The following SIRT6 variants were observed in gnomAD, a reference collection of about 807,000 sequenced individuals.
The protein encoded by SIRT6 is sirtuin 6, also known as NAD-dependent protein deacylase sirtuin-6.
Under a neutral mutation model 33.6 loss-of-function variants are expected in SIRT6, and 21 were observed. That is an observed-to-expected ratio of 0.62 (90% CI 0.44 to 0.90). SIRT6 has a LOEUF of 0.90. Among genes scored for constraint, SIRT6 ranks in the 40% least tolerant of loss-of-function variants. SIRT6 has a pLI of 0.00. For missense variants in SIRT6, 504 were observed against 510.6 expected (o/e 0.99, Z 0.12); for synonymous variants, 221 against 223.9 (o/e 0.99, Z 0.12).
rs748302927 is a variant in SIRT6 at position 4,180,914 on chromosome 19, G to A, written c.67-5C>T. 3.7e-6 allele frequency: 6 copies of A among 1,607,988 alleles called. No individual in the cohort carries two copies. The highest frequency in any genetic ancestry group is 3.4e-5 in the Admixed American group (2 of 59,002). ...CTCCTCCGGGGGGTCGAAGATCTGT[G>A]GGGGGAGAGAGCAGACGGAGGGGTC... On this transcript the variant is annotated splice_region_variant and splice_polypyrimidine_tract_variant and intron_variant, in intron 1 of 7. Coordinates refer to ENST00000337491, the MANE Select transcript of SIRT6 (RefSeq NM_016539.4).
intron 1 of SIRT6, among the ~76,000 whole-genome samples, chr19:4,181,404 G>A (rs1967654734): frequency 6.6e-6 from 1 of 152,218 alleles, no homozygotes. Context: ...AGAAGGAGGG[G>A]TTTTTAATCT....
chr19:4,180,025 C>T (rs1361462249), intron 2 of SIRT6, among the ~76,000 whole-genome samples: 1 of 150,214 alleles, frequency 6.7e-6, no homozygotes, highest in African/African-American at 2.4e-5. Context: ...CAGAACTCTA[C>T]ACTGCCTGGC....
chr19:4,174,872 C>CATG lies in SIRT6; in HGVS notation c.812_813insCAT (p.Leu271_Glu272insMet). The CATG allele has an allele frequency of 6.2e-7, 1 of 1,601,600 alleles. No homozygotes were observed. Among genetic ancestry groups the CATG allele is most frequent in the Non-Finnish European group, 8.5e-7 (1 of 1,179,640 alleles). ...GGGGGCCGTCCCAGGCGGGGATCTC[C>CATG]AGCCCCAGGTGCTTCATGAGCCGGG... On this transcript the variant is annotated inframe_insertion, in exon 8 of 8. Transcript: ENST00000337491. The surrounding 1 kb of genome is among the most constrained non-coding windows in gnomAD (Gnocchi z 4.2).
chr19:4,176,467 C>T (rs1450749072), intron 4 of SIRT6, among the ~76,000 whole-genome samples: 3 of 152,122 alleles, frequency 2.0e-5, no homozygotes, highest in Non-Finnish European at 4.4e-5. Flanking sequence ...CGGGCGCCTG[C>T]AGTTGCAGCT....
intron 6 of SIRT6, 143 bp downstream of exon 6, chr19:4,175,537 C>T (rs951034574): frequency 3.9e-6 from 3 of 765,806 alleles, no homozygotes; most frequent in Non-Finnish European, 6.1e-6. Flanking sequence ...GTGTGTGCAG[C>T]CCCTGGCCTG....
chr19:4,181,336 A>T (rs1282914147), intron 1 of SIRT6, among the ~76,000 whole-genome samples: 1 of 152,202 alleles, frequency 6.6e-6, no homozygotes, highest in East Asian at 1.9e-4. Context: ...CTTCAGTGAC[A>T]GTGATGCCTC....
intron 2 of SIRT6, among the ~76,000 whole-genome samples, chr19:4,180,377 G>A (rs1967555005): frequency 6.6e-6 from 1 of 151,740 alleles, no homozygotes; most frequent in South Asian, 2.1e-4. Context: ...GTTGTGACAA[G>A]GGACACATCT....
rs11880257 is a variant in SIRT6 at position 4,175,163 on chromosome 19, G to T, written c.615-12C>A. Reference sequence around the variant, plus strand: ...ACAGGTCGGCGTTCCTGGGGCCGGGGAGCGTGGGCTGAGCCTGATGCCCTG... The same window carrying T: ...ACAGGTCGGCGTTCCTGGGGCCGGGTAGCGTGGGCTGAGCCTGATGCCCTG... On this transcript the variant is annotated splice_polypyrimidine_tract_variant and intron_variant, in intron 6 of 7. Coordinates refer to ENST00000337491, the MANE Select transcript of SIRT6 (RefSeq NM_016539.4). 2.5e-6 allele frequency: 4 copies of T among 1,595,932 alleles called. No individual in the cohort carries two copies. Among genetic ancestry groups the T allele is most frequent in the Non-Finnish European group, 3.4e-6 (4 of 1,174,576 alleles).
intron 4 of SIRT6, among the ~76,000 whole-genome samples, 176 bp from the exon 5 acceptor site, chr19:4,176,113 G>C (rs750154772): frequency 6.6e-6 from 1 of 152,166 alleles, no homozygotes; most frequent in African/African-American, 2.4e-5. Context: ...GATGCTGCTC[G>C]GTGCCCGGAG....
chr19:4,175,483 TA>T, intron 6 of SIRT6, 196 bp downstream of exon 6: 1 of 638,864 alleles, frequency 1.6e-6, no homozygotes, highest in East Asian at 2.8e-5. Context: ...TTTCCTTGTG[TA>T]GCACCCACCC....
chr19:4,174,800 G>A lies in SIRT6; in HGVS notation c.885C>T (p.Pro295=). 1.0e-5 allele frequency: 5 copies of A among 490,280 alleles called. No individual in the cohort carries two copies. The highest frequency in any genetic ancestry group is 1.8e-5 in the Non-Finnish European group (5 of 271,412). The allele number at this position is 490,280 out of a possible 1,614,324, so 30.4% of individuals were successfully genotyped here. The change falls in exon 8 of 8, where the codon CCC becomes CCT. Residue 295 remains proline (P), a synonymous_variant. Transcript: ENST00000337491. This position sits in a 1 kb window ranked among gnomAD's most constrained non-coding sequence, Gnocchi z 4.2. ...ALPPLPRPPT[P]KLEPKEESPT... ...GAGATTCCTCCTTGGGCTCCAGCTTGGGGGTGGGCGGGCGGGGCAGGGGTG... is the reference window on the plus strand; with the variant it reads ...GAGATTCCTCCTTGGGCTCCAGCTTAGGGGTGGGCGGGCGGGGCAGGGGTG...
rs755449427 is a variant in SIRT6, at chr19:4,175,865, C to T, written c.510G>A (p.Lys170=). Residue 170 remains lysine (K), a synonymous_variant, in exon 5 of 8, where the codon AAG becomes AAA. Coordinates refer to ENST00000337491, the MANE Select transcript of SIRT6 (RefSeq NM_016539.4). ...ACCTGCAGGCTCGCAGCCCCCTTGC[C>T]TTAGCCACGGTGCAGAGCCGGCCCG... ...KATGRLCTVA[K]ARGLRACRGE... is the part of the protein sequence containing the mutation. 59 of 1,564,076 alleles carry T rather than the reference C, an allele frequency of 3.8e-5. No homozygotes were observed. The East Asian group carries it at 1.3e-3, about 35-fold the overall frequency.
chr19:4,179,171 C>T lies in SIRT6; in HGVS notation c.310G>A (p.Val104Met), dbSNP rs757185877. 8.7e-6 allele frequency: 14 copies of T among 1,611,940 alleles called. No homozygotes were observed. Among genetic ancestry groups the T allele is most frequent in the East Asian group, 2.2e-5 (1 of 44,870 alleles). The change falls in exon 3 of 8, where the codon GTG (valine) becomes ATG (methionine). Residue 104 changes from valine (V) to methionine (M), a missense_variant. Val to Met is a conservative substitution (Grantham distance 21). Transcript: ENST00000337491. ...THMALVQLER[V>M]GLLRFLVSQN... is the part of the protein sequence containing the mutation. ...CTGACCAGGAAGCGGAGGAGGCCCA[C>T]GCGCTCCAGCTGCACCAGCGCCATG...
At chr19:4,175,782 G>C in intron 5 of SIRT6, 22 bp from the exon 6 acceptor site, 1 of 1,556,350 alleles carries the variant, frequency 6.4e-7, no homozygotes, top group Non-Finnish European at 8.7e-7. Context: ...AAGCTGAGGA[G>C]AGTCCTCAGG....
chr19:4,180,008 A>G (rs1160053557), intron 2 of SIRT6, among the ~76,000 whole-genome samples: 1 of 151,392 alleles, frequency 6.6e-6, no homozygotes, highest in East Asian at 1.9e-4. Flanking sequence ...TTCCAGCACA[A>G]GGTATTCAGA....
chr19:4,175,689 T>C lies in SIRT6; in HGVS notation c.605A>G (p.Glu202Gly), dbSNP rs1480858395. The change falls in exon 6 of 8, where the codon GAG (glutamate) becomes GGG (glycine). Residue 202 changes from glutamate to glycine, a missense_variant. Transcript: ENST00000337491. ...GGGTGGGGGGTCAGACCTGCTGGCC[T>C]CATCGGCGAGTGCCAGGTCCCGGTC... ...LPDRDLALAD[E>G]ASRNADLSIT... The C allele has an allele frequency of 1.3e-6, 2 of 1,562,616 alleles. No individual in the cohort carries two copies. The highest frequency in any genetic ancestry group is 1.4e-5 in the African/African-American group (1 of 73,850).
At position 4,175,112 on chromosome 19, in the gene SIRT6, CTGCAGCGA is replaced by C; in HGVS notation, c.646_653del (p.Ser216AspfsTer33). On this transcript the variant is annotated frameshift_variant, in exon 7 of 8. Transcript: ENST00000337491. LOFTEE classifies it high-confidence loss of function. The stretch of plus-strand genomic sequence containing the variant: ...GCGGCAGGTTCCCGCTGGGCCGGAT[CTGCAGCGA>C]TGTACCCAGCGTGATGGACAGGTCG... 6.3e-7 allele frequency: 1 copy of C among 1,593,370 alleles called. No homozygotes were observed. Among genetic ancestry groups the C allele is most frequent in the Non-Finnish European group, 8.5e-7 (1 of 1,171,582 alleles).
chr19:4,175,857 C>T lies in SIRT6; in HGVS notation c.518G>A (p.Gly173Glu), dbSNP rs1336903572. ...GGTGGCTCACCTGCAGGCTCGCAGC[C>T]CCCTTGCCTTAGCCACGGTGCAGAG... ...GRLCTVAKAR[G>E]LRACRGELRD... Residue 173 changes from glycine to glutamate, a missense_variant, in exon 5 of 8, where the codon GGG becomes GAG. Physicochemically the swap from Gly to Glu is moderately conservative, Grantham distance 98 (BLOSUM62 -2). Transcript: ENST00000337491. 6 of 1,562,032 alleles carry T rather than the reference C, an allele frequency of 3.8e-6. No individual in the cohort carries two copies.
At chr19:4,180,689 G>C in intron 2 of SIRT6, 93 bp downstream of exon 2, 1 of 1,488,938 alleles carries the variant, frequency 6.7e-7, no homozygotes, top group Non-Finnish European at 9.1e-7. Context: ...AAAGCAGATG[G>C]ATGTGTTCTC....
Sources: gnomAD v4.1 joint callset for allele counts (sites outside exome capture counted in the v4.1 genomes callset) on GRCh38, gnomAD v4.1.1 for gene constraint, Gnocchi (gnomAD v3.1) non-coding constraint, MANE v1.5 for transcripts, NCBI Gene and HGNC (gene_info 2026-07-23, HGNC 2026-07-21) for gene names.